KIF16B: variants seen among roughly 807,000 people sequenced by gnomAD.
KIF16B encodes kinesin family member 16B.
In KIF16B, 98 loss-of-function variants were observed where a neutral mutation model predicts 156.3. That is an observed-to-expected ratio of 0.63 (90% CI 0.53 to 0.74). The LOEUF (loss-of-function observed/expected upper bound fraction) is 0.74. KIF16B is among the 30% of genes least tolerant of loss of function. KIF16B has a pLI of 0.00. For missense variants in KIF16B, 1,421 were observed against 1,606.5 expected (o/e 0.88, Z 1.97); for synonymous variants, 564 against 583.7 (o/e 0.97, Z 0.49).
chr20:16,393,036 C>T (rs6034468), intron 17 of KIF16B, among the ~76,000 whole-genome samples: 253 of 152,046 alleles, frequency 1.7e-3, no homozygotes, highest in African/African-American at 5.8e-3. Flanking sequence ...TCATATTCAA[C>T]GGCGTGAGAA....
chr20:16,326,215 G>T (rs919457634), intron 24 of KIF16B, among the ~76,000 whole-genome samples: 4 of 151,440 alleles, frequency 2.6e-5, no homozygotes, highest in Non-Finnish European at 5.9e-5. Flanking sequence ...AACATTGGAA[G>T]AACTCTTCTG....
intron 18 of KIF16B, 86 bp from the exon 19 acceptor site, chr20:16,380,249 T>A: frequency 8.1e-7 from 1 of 1,228,590 alleles, no homozygotes; most frequent in South Asian, 2.6e-5. Context: ...AAAATGCACA[T>A]ACAACCAGGT....
At chr20:16,344,380 A>G (rs1293898563) in intron 23 of KIF16B, among the ~76,000 whole-genome samples, 1 of 152,310 alleles carries the variant, frequency 6.6e-6, no homozygotes, top group East Asian at 1.9e-4. Context: ...TTCTGAGGAC[A>G]GACAGTGCCG....
intron 12 of KIF16B, among the ~76,000 whole-genome samples, chr20:16,450,576 G>C (rs755979251): frequency 7.9e-5 from 12 of 152,112 alleles, no homozygotes; most frequent in African/African-American, 2.9e-4. Context: ...AGTCCTCCAC[G>C]TCCCACGTGC....
intron 3 of KIF16B, among the ~76,000 whole-genome samples, chr20:16,520,882 C>G (rs1426920414): frequency 1.3e-5 from 2 of 152,162 alleles, no homozygotes; most frequent in African/African-American, 4.8e-5. Flanking sequence ...GATACCCAGG[C>G]AAACAGGGTC....
At chr20:16,369,620 A>C (rs1415997831) in intron 22 of KIF16B, among the ~76,000 whole-genome samples, 2 of 152,234 alleles carry the variant, frequency 1.3e-5, no homozygotes, top group Non-Finnish European at 2.9e-5. Flanking sequence ...AGTTATGAAA[A>C]TAAGTCCATG....
intron 25 of KIF16B, among the ~76,000 whole-genome samples, chr20:16,276,078 C>T (rs532662944): frequency 3.8e-4 from 58 of 152,320 alleles, no homozygotes; most frequent in African/African-American, 1.3e-3. Context: ...CTGTGGGCTC[C>T]GGCTTCAGGT....
chr20:16,401,208 A>G (rs2065648771), intron 17 of KIF16B, among the ~76,000 whole-genome samples: 1 of 152,234 alleles, frequency 6.6e-6, no homozygotes, highest in Admixed American at 6.5e-5. Flanking sequence ...TGGTAGCGTC[A>G]GATGCATCCA....
At chr20:16,422,028 T>C (rs1156381725) in intron 15 of KIF16B, among the ~76,000 whole-genome samples, 4 of 152,138 alleles carry the variant, frequency 2.6e-5, no homozygotes, top group African/African-American at 9.7e-5. Context: ...ACCTGAATCA[T>C]TAACCAGAAT....
intron 12 of KIF16B, among the ~76,000 whole-genome samples, chr20:16,451,010 T>C: frequency 6.6e-6 from 1 of 152,214 alleles, no homozygotes; most frequent in East Asian, 1.9e-4. Context: ...ACCTGCGCGT[T>C]TACAGACAGG....
chr20:16,352,356 G>C (rs2064354083), intron 23 of KIF16B, among the ~76,000 whole-genome samples: 1 of 152,206 alleles, frequency 6.6e-6, no homozygotes, highest in African/African-American at 2.4e-5. Flanking sequence ...TCATAAAAGA[G>C]TTGTTTTTAA....
At chr20:16,386,787 A>G (rs2065240407) in intron 17 of KIF16B, among the ~76,000 whole-genome samples, 1 of 152,112 alleles carries the variant, frequency 6.6e-6, no homozygotes. Context: ...TCTGGCTCCT[A>G]TATGACCAAG....
intron 1 of KIF16B, among the ~76,000 whole-genome samples, chr20:16,532,508 T>C (rs1246399834): frequency 6.6e-6 from 1 of 152,224 alleles, no homozygotes; most frequent in Non-Finnish European, 1.5e-5. Context: ...GGACACCCCA[T>C]GTTCATGTGG....
intron 3 of KIF16B, among the ~76,000 whole-genome samples, chr20:16,519,046 G>A (rs2053156049): frequency 6.6e-6 from 1 of 152,146 alleles, no homozygotes; most frequent in South Asian, 2.1e-4. Flanking sequence ...ACAAACCTGA[G>A]CAAGTTCCTT....
chr20:16,553,206 A>C (rs1166275694), intron 1 of KIF16B, among the ~76,000 whole-genome samples: 1 of 152,170 alleles, frequency 6.6e-6, no homozygotes, highest in Non-Finnish European at 1.5e-5. Flanking sequence ...TTCTGCTTAA[A>C]ATGCTACTGC....
chr20:16,386,336 T>A (rs1454638334), intron 17 of KIF16B, among the ~76,000 whole-genome samples: 1 of 151,344 alleles, frequency 6.6e-6, no homozygotes, highest in Admixed American at 6.6e-5. Context: ...GAGAAAGAGA[T>A]CAGTAGCATG....
chr20:16,564,406 G>T (rs909031581), intron 1 of KIF16B, among the ~76,000 whole-genome samples: 1 of 151,972 alleles, frequency 6.6e-6, no homozygotes, highest in Non-Finnish European at 1.5e-5. Context: ...CGTGTGCATC[G>T]CAAGGACAAA....
chr20:16,320,364 A>G (rs1480869403), intron 24 of KIF16B, among the ~76,000 whole-genome samples: 1 of 147,982 alleles, frequency 6.8e-6, no homozygotes, highest in Admixed American at 6.8e-5. Flanking sequence ...CTATTCTAAA[A>G]TGAAAAAAAA....
intron 21 of KIF16B, among the ~76,000 whole-genome samples, chr20:16,371,037 G>A (rs1266293213): frequency 3.3e-5 from 5 of 152,000 alleles, no homozygotes; most frequent in Admixed American, 6.6e-5. Flanking sequence ...GAAGTATTTT[G>A]GAAGAAAACA....
Sources: gnomAD v4.1 joint callset for allele counts (sites outside exome capture counted in the v4.1 genomes callset) on GRCh38, gnomAD v4.1.1 for gene constraint, MANE v1.5 for transcripts, NCBI Gene and HGNC (gene_info 2026-07-23, HGNC 2026-07-21) for gene names.